SLC17A1: variants seen among roughly 807,000 people sequenced by gnomAD.
SLC17A1 encodes the protein solute carrier family 17 member 1, also known as sodium-dependent phosphate transport protein 1.
In SLC17A1, 51 loss-of-function variants were observed where a neutral mutation model predicts 53.5. That is an observed-to-expected ratio of 0.95 (90% CI 0.76 to 1.20). SLC17A1 has a LOEUF of 1.20. Ranked by LOEUF, SLC17A1 falls within the 50% of genes most tolerant of loss-of-function variation. The probability of loss-of-function intolerance (pLI) is 0.00; values close to 1 mark genes in which losing one functional copy is unlikely to be tolerated. For missense variants in SLC17A1, 538 were observed against 568.2 expected, an observed-to-expected ratio of 0.95 and a Z score of 0.54; for synonymous variants, 179 against 198.8, an observed-to-expected ratio of 0.90 and a Z score of 0.84.
intron 10 of SLC17A1, among the ~76,000 whole-genome samples, chr6:25,806,913 A>G (rs1352307262): frequency 1.3e-5 from 2 of 152,136 alleles, no homozygotes; most frequent in Non-Finnish European, 2.9e-5. Context: ...TGGCCAATAA[A>G]CATAAGAAAA....
At chr6:25,726,420 A>ACGAAGCAGACGATG in the SLC17A1 span, 3 of 1,613,914 alleles carry the variant, frequency 1.9e-6, no homozygotes, top group Non-Finnish European at 2.5e-6. Context: ...AGTTTCCCTT[A>ACGAAGCAGACGATG]CGAAGCAGAC....
At chr6:25,760,922 C>T in the SLC17A1 span, among the ~76,000 whole-genome samples, 3 of 152,034 alleles carry the variant, frequency 2.0e-5, no homozygotes, top group Admixed American at 1.3e-4. Context: ...TTTGGAAGTT[C>T]GCAGTAGTTT....
At chr6:25,749,901 C>T in the SLC17A1 span, among the ~76,000 whole-genome samples, 23 of 152,196 alleles carry the variant, frequency 1.5e-4, no homozygotes, top group Non-Finnish European at 2.8e-4. Flanking sequence ...ATGGAAGCTG[C>T]CTATAAGCCT....
the SLC17A1 span, chr6:25,770,516 A>G: frequency 6.4e-7 from 1 of 1,571,874 alleles, no homozygotes; most frequent in South Asian, 1.1e-5. Context: ...TGTCCAGGAG[A>G]ACTCAGCAAA....
the SLC17A1 span, chr6:25,768,926 T>G: frequency 1.4e-6 from 2 of 1,471,366 alleles, no homozygotes; most frequent in Non-Finnish European, 1.9e-6. Flanking sequence ...TCTTCCAGAC[T>G]TAGGGAGAGT....
At chr6:25,731,784 T>C in the SLC17A1 span, 137 of 1,581,896 alleles carry the variant, frequency 8.7e-5, no homozygotes, top group Non-Finnish European at 1.1e-4. Flanking sequence ...TATCATGTTT[T>C]ACTTGGAGCT....
intron 3 of SLC17A1, among the ~76,000 whole-genome samples, chr6:25,825,813 G>T (rs1425287072): frequency 2.6e-5 from 4 of 152,074 alleles, no homozygotes; most frequent in Admixed American, 6.6e-5. Context: ...ATTTGGGAAA[G>T]ATCTGTTAAT....
chr6:25,813,051 G>C, intron 7 of SLC17A1, 44 bp downstream of exon 7: 1 of 1,611,470 alleles, frequency 6.2e-7, no homozygotes, highest in Non-Finnish European at 8.5e-7. Context: ...TGTTTAGTTT[G>C]GAGTAGAATC....
the SLC17A1 span, among the ~76,000 whole-genome samples, chr6:25,752,678 T>A: frequency 5.8e-4 from 88 of 152,298 alleles, no homozygotes; most frequent in African/African-American, 2.1e-3. Context: ...TTAGGCCGGG[T>A]GCGGTGGCTC....
At chr6:25,775,972 G>A in the SLC17A1 span, among the ~76,000 whole-genome samples, 1 of 152,098 alleles carries the variant, frequency 6.6e-6, no homozygotes, top group African/African-American at 2.4e-5. Flanking sequence ...TGAAAACCTT[G>A]TTCATTTCTC....
Position 25,811,466 on chromosome 6 carries a change from T to C in SLC17A1, c.1110A>G (p.Ile370Met). The C allele has an allele frequency of 6.2e-7, 1 of 1,613,928 alleles. No individual in the cohort carries two copies. The highest frequency in any genetic ancestry group is 8.5e-7 in the Non-Finnish European group (1 of 1,179,900). ...STFYSIVIFLILAGATGSFCL... is the reference protein window; with the variant it reads ...STFYSIVIFLMLAGATGSFCL... ...AAAAGCTGCCTGTTGCACCAGCAAG[T>C]ATTAGGAAAATGACAATGCTGTAGA... Residue 370 changes from isoleucine to methionine, a missense_variant, in exon 10 of 13, where the codon ATA becomes ATG. By Grantham distance (10) the Ile-to-Met change is conservative. Transcript: ENST00000244527.
the SLC17A1 span, among the ~76,000 whole-genome samples, chr6:25,752,595 T>A: frequency 1.9e-3 from 292 of 152,346 alleles, 4 homozygotes; most frequent in South Asian, 7.9e-3. Context: ...TTTAAATGTT[T>A]TTAAACTTTT....
At chr6:25,777,087 C>T in the SLC17A1 span, 5 of 978,566 alleles carry the variant, frequency 5.1e-6, no homozygotes. Flanking sequence ...ACCAGCTCTA[C>T]ATCCTACATC....
At chr6:25,762,779 T>C in the SLC17A1 span, among the ~76,000 whole-genome samples, 3 of 152,210 alleles carry the variant, frequency 2.0e-5, no homozygotes, top group East Asian at 5.8e-4. Flanking sequence ...ATGTTAGTAC[T>C]CAACCTACAA....
At chr6:25,743,998 T>C in the SLC17A1 span, among the ~76,000 whole-genome samples, 115 of 152,260 alleles carry the variant, frequency 7.6e-4, no homozygotes, top group Middle Eastern at 6.8e-3. Flanking sequence ...CTAAGTTCCA[T>C]GCAGAGAAAA....
the SLC17A1 span, among the ~76,000 whole-genome samples, chr6:25,742,968 A>T: frequency 5.3e-5 from 8 of 152,212 alleles, no homozygotes; most frequent in Non-Finnish European, 1.0e-4. Context: ...AAGGTTGTAC[A>T]TGCAGATTAT....
rs34669145 is a variant in SLC17A1, at chr6:25,802,935, C to CTTTTTTTTTTTTTTTTTTTTTTT, written c.1179-1978_1179-1956dup. 1.5e-4 allele frequency among the ~76,000 whole-genome samples: 7 copies of CTTTTTTTTTTTTTTTTTTTTTTT among 46,062 alleles called. 2 individuals are homozygous for CTTTTTTTTTTTTTTTTTTTTTTT. The highest frequency in any genetic ancestry group is 5.4e-4 in the African/African-American group (6 of 11,086). 30.2% of individuals were successfully genotyped at this position (46,062 alleles called of 152,430 possible). ...ATGACGTTTTAACGACTATCTTCTT[C>CTTTTTTTTTTTTTTTTTTTTTTT]TTTTTTTTTTTTTTTTTTTTTTTTT... On this transcript the variant is annotated intron_variant, in intron 10 of 12. Transcript: ENST00000244527.
the SLC17A1 span, among the ~76,000 whole-genome samples, chr6:25,752,712 C>T: frequency 2.3e-4 from 35 of 152,112 alleles, no homozygotes; most frequent in African/African-American, 6.7e-4. Context: ...CAGCACTTTG[C>T]GAGGCTGAGG....
chr6:25,734,663 G>A, the SLC17A1 span, among the ~76,000 whole-genome samples: 3 of 152,170 alleles, frequency 2.0e-5, no homozygotes, highest in Admixed American at 6.5e-5. Flanking sequence ...ACGAGTGTAA[G>A]GATGTTTGAA....
Sources: gnomAD v4.1 joint callset for allele counts (sites outside exome capture counted in the v4.1 genomes callset) on GRCh38, gnomAD v4.1.1 for gene constraint, MANE v1.5 for transcripts, NCBI Gene and HGNC (gene_info 2026-07-23, HGNC 2026-07-21) for gene names.